Variants in USP42 observed in about 807,000 individuals in gnomAD.
The protein encoded by USP42 is ubiquitin specific peptidase 42.
Under a neutral mutation model 113.0 loss-of-function variants are expected in USP42, and 23 were observed. The observed-to-expected ratio is 0.20, with a 90% CI of 0.15 to 0.29. USP42 has a LOEUF of 0.29. Among genes scored for constraint, USP42 ranks in the 10% least tolerant of loss-of-function variants. USP42 has a pLI of 1.00. For synonymous variants in USP42, 933 were observed against 699.0 expected (o/e 1.33, Z -5.28); for missense variants, 2,174 against 1,779.8 (o/e 1.22, Z -3.99).
chr7:6,110,473 C>T (rs1779539920), intron 1 of USP42, among the ~76,000 whole-genome samples: 1 of 152,112 alleles, frequency 6.6e-6, no homozygotes, highest in Non-Finnish European at 1.5e-5. Flanking sequence ...CAAGTCCTTT[C>T]ATAACAGATA....
intron 11 of USP42, among the ~76,000 whole-genome samples, chr7:6,147,168 A>G (rs1450046119): frequency 6.6e-6 from 1 of 152,264 alleles, no homozygotes; most frequent in Non-Finnish European, 1.5e-5. Context: ...TGATGATCAG[A>G]GGAGGCCTCA....
At chr7:6,135,748 C>T in intron 3 of USP42, 93 bp from the exon 4 acceptor site, 1 of 433,054 alleles carries the variant, frequency 2.3e-6, no homozygotes, top group Non-Finnish European at 4.0e-6. Flanking sequence ...GCTATTATTT[C>T]ATTTCAGGTG....
At chr7:6,122,623 A>T (rs1780293326) in intron 3 of USP42, among the ~76,000 whole-genome samples, 1 of 151,922 alleles carries the variant, frequency 6.6e-6, no homozygotes, top group Non-Finnish European at 1.5e-5. Context: ...GGCACATGCC[A>T]CCACACCCAG....
At chr7:6,120,596 G>A (rs1780172558) in intron 3 of USP42, among the ~76,000 whole-genome samples, 1 of 151,896 alleles carries the variant, frequency 6.6e-6, no homozygotes, top group African/African-American at 2.4e-5. Flanking sequence ...CACTATGCCT[G>A]GCCTAGGCCA....
chr7:6,151,860 C>T (rs920564028), intron 14 of USP42, among the ~76,000 whole-genome samples: 4 of 152,116 alleles, frequency 2.6e-5, no homozygotes, highest in African/African-American at 7.2e-5. Context: ...TCACGAGGCA[C>T]GCGTTGCCCT....
At chr7:6,119,002 C>A (rs2128484067) in intron 3 of USP42, among the ~76,000 whole-genome samples, 1 of 151,820 alleles carries the variant, frequency 6.6e-6, no homozygotes, top group Non-Finnish European at 1.5e-5. Context: ...ACTGTTTGAA[C>A]CCAGGAGTTT....
At chr7:6,134,642 A>C (rs1295296796) in intron 3 of USP42, among the ~76,000 whole-genome samples, 1 of 152,150 alleles carries the variant, frequency 6.6e-6, no homozygotes, top group Non-Finnish European at 1.5e-5. Context: ...GCTTCTCCCC[A>C]CTAGATGCTG....
the USP42 span, among the ~76,000 whole-genome samples, chr7:6,088,322 C>T: frequency 6.6e-6 from 1 of 151,012 alleles, no homozygotes; most frequent in South Asian, 2.1e-4. Context: ...GTGGTGCAAT[C>T]TCGGCTCACT....
At chr7:6,152,247 G>C (rs945849934) in intron 14 of USP42, among the ~76,000 whole-genome samples, 5 of 152,228 alleles carry the variant, frequency 3.3e-5, no homozygotes, top group African/African-American at 1.2e-4. Context: ...ACCATACTCG[G>C]TGCCAGGCGC....
intron 15 of USP42, 134 bp downstream of exon 15, chr7:6,155,329 T>C (rs1022674660): frequency 1.7e-5 from 23 of 1,387,114 alleles, no homozygotes; most frequent in Non-Finnish European, 2.1e-5. Context: ...GTCTTTCATT[T>C]CTGTGGGTTT....
chr7:6,153,887 C>G lies in USP42; in HGVS notation c.2333C>G (p.Pro778Arg). 6.3e-7 allele frequency: 1 copy of G among 1,575,460 alleles called. No individual in the cohort carries two copies. Among genetic ancestry groups the G allele is most frequent in the South Asian group, 1.1e-5 (1 of 87,106 alleles). ...AGCAGCACCAAGAAGGCTCCGCCGC[C>G]CCGCGATCCCGGCACCCCCGCTACC... ...GLSSTKKAPPPRDPGTPATKE... is the reference protein window; with the variant it reads ...GLSSTKKAPPRRDPGTPATKE... Residue 778 changes from proline to arginine, a missense_variant, in exon 15 of 18, where the codon CCC becomes CGC. Pro to Arg is a moderately radical substitution (Grantham distance 103, BLOSUM62 -2). Coordinates refer to ENST00000306177, the MANE Select transcript of USP42 (RefSeq NM_032172.3).
intron 14 of USP42, among the ~76,000 whole-genome samples, chr7:6,152,517 C>A (rs1392508573): frequency 6.6e-6 from 1 of 151,886 alleles, no homozygotes. Flanking sequence ...GTGGGAGTGC[C>A]CTCACTGAGG....
the USP42 span, among the ~76,000 whole-genome samples, chr7:6,082,361 C>T: frequency 1.3e-5 from 2 of 152,048 alleles, no homozygotes; most frequent in Non-Finnish European, 2.9e-5. Context: ...ATCTCCTGAC[C>T]TCGTGATCCG....
rs375687361 is a variant in USP42, at chr7:6,136,021, T to C, written c.553+70T>C. 4.1e-3 allele frequency: 3,537 copies of C among 858,510 alleles called. 6 individuals are homozygous for C. Among genetic ancestry groups the C allele is most frequent in the Middle Eastern group, 0.011 (34 of 3,044 alleles). 53.2% of individuals were successfully genotyped at this position (858,510 alleles called of 1,614,324 possible). A position where few individuals can be genotyped will look rare whatever the true frequency, so the allele number is the denominator to read the frequency against. Reference sequence around the variant, plus strand: ...GTTATACTTTTTTTTTTTTTTTTTTTCGAGACAGAGTCTTGCTCTGTCGCC... The same window carrying C: ...GTTATACTTTTTTTTTTTTTTTTTTCCGAGACAGAGTCTTGCTCTGTCGCC... On this transcript the variant is annotated intron_variant, in intron 4 of 17. Coordinates refer to ENST00000306177, the MANE Select transcript of USP42 (RefSeq NM_032172.3).
intron 3 of USP42, among the ~76,000 whole-genome samples, chr7:6,133,491 A>C (rs1780960943): frequency 6.6e-6 from 1 of 152,094 alleles, no homozygotes; most frequent in African/African-American, 2.4e-5. Context: ...GTTATTAATT[A>C]CATCTGGTGT....
chr7:6,150,222 C>T lies in USP42; in HGVS notation c.2026C>T (p.Pro676Ser), dbSNP rs200429464. The change falls in exon 13 of 18, where the codon CCT (proline) becomes TCT (serine). Residue 676 changes from proline (P) to serine (S), a missense_variant. Coordinates refer to ENST00000306177, the MANE Select transcript of USP42 (RefSeq NM_032172.3). ...TGACCCGAAAGAAAACGGCCTAGCG[C>T]CTGATGGTGCCAGCTGCCAAGGCCA... ...DSDPKENGLA[P>S]DGASCQGQPA... 4.0e-4 allele frequency: 649 copies of T among 1,613,892 alleles called. No homozygotes were observed. The highest frequency in any genetic ancestry group is 4.7e-4 in the Non-Finnish European group (560 of 1,179,902).
intron 1 of USP42, among the ~76,000 whole-genome samples, chr7:6,107,451 C>G (rs1371828080): frequency 3.3e-5 from 5 of 149,404 alleles, no homozygotes; most frequent in Non-Finnish European, 7.4e-5. Context: ...CTCTTACTGC[C>G]CAGGCTGGAG....
intron 14 of USP42, chr7:6,152,920 G>GA: frequency 1.0e-6 from 1 of 985,338 alleles, no homozygotes; most frequent in Non-Finnish European, 1.2e-6. Context: ...GAGAGGAAAG[G>GA]AGGAGGCCCT....
intron 3 of USP42, among the ~76,000 whole-genome samples, chr7:6,133,913 C>T (rs1411991173): frequency 7.3e-6 from 1 of 136,962 alleles, no homozygotes; most frequent in African/African-American, 2.8e-5. Context: ...TTTTTTGAGA[C>T]AGCGTCTTGC....
Sources: allele counts gnomAD v4.1 joint callset (sites outside exome capture counted in the v4.1 genomes callset), GRCh38; gene constraint gnomAD v4.1.1; transcripts MANE v1.5; gene names NCBI Gene and HGNC (gene_info 2026-07-23, HGNC 2026-07-21).